Variants in ZFHX3 observed in about 807,000 individuals in gnomAD.
ZFHX3 encodes zinc finger homeobox 3.
ZFHX3 carries 42 observed loss-of-function variants against 279.1 expected under a neutral mutation model. The ratio of observed to expected loss-of-function variants is 0.15; its 90% CI spans 0.12 to 0.19. The LOEUF (loss-of-function observed/expected upper bound fraction) is 0.19, where lower values mean the gene tolerates loss of function less well. ZFHX3 is among the 10% of genes least tolerant of loss of function. ZFHX3 has a pLI of 1.00. For missense variants in ZFHX3, 4,981 were observed against 4,754.0 expected (o/e 1.05, Z -1.40); for synonymous variants, 2,293 against 1,957.8 (o/e 1.17, Z -4.52).
intron 2 of ZFHX3, among the ~76,000 whole-genome samples, chr16:73,549,348 T>A (rs2020169834): frequency 6.6e-6 from 1 of 152,116 alleles, no homozygotes; most frequent in African/African-American, 2.4e-5. Flanking sequence ...ATTTTTCATA[T>A]ATATTTTTAT....
rs1247399981 is a variant in ZFHX3, at chr16:72,784,980, T to G, written c.*2184A>C. The G allele has an allele frequency of 6.6e-6, 1 of 152,592 alleles. No homozygotes were observed. The highest frequency in any genetic ancestry group is 1.9e-4 in the East Asian group (1 of 5,198). The allele number at this position is 152,592 out of a possible 1,614,324, so 9.5% of individuals were successfully genotyped here. On this transcript the variant is annotated 3_prime_UTR_variant, in exon 10 of 10. Coordinates refer to ENST00000268489, the MANE Select transcript of ZFHX3 (RefSeq NM_006885.4). ...ATGCTCCAGTCTTTTGCAAAGTCGA[T>G]GAGTGGCTTCAGCACTGGGGAAAGA...
chr16:72,787,635 A>G lies in ZFHX3; in HGVS notation c.10641T>C (p.His3547=). 6.2e-7 allele frequency: 1 copy of G among 1,611,506 alleles called. No individual in the cohort carries two copies. Among genetic ancestry groups the G allele is most frequent in the Non-Finnish European group, 8.5e-7 (1 of 1,178,758 alleles). ...TGTGTTTGTGCAAGGCCGACTCGAG[A>G]TGTTGACTCAGAGCTTCCTCCCCAC... The part of the protein sequence containing the change: ...ALCGEEALSQ[H]LESALHKHRT... The change falls in exon 10 of 10, where the codon CAT becomes CAC. Residue 3547 remains histidine, a synonymous_variant. Transcript: ENST00000268489.
chr16:72,993,559 C>G (rs868708880), intron 1 of ZFHX3, among the ~76,000 whole-genome samples: 1 of 152,162 alleles, frequency 6.6e-6, no homozygotes, highest in African/African-American at 2.4e-5. Context: ...AGAATCATCC[C>G]TCCTCACTCT....
chr16:73,691,977 A>G (rs2053153829), intron 1 of ZFHX3, among the ~76,000 whole-genome samples: 1 of 152,222 alleles, frequency 6.6e-6, no homozygotes, highest in Non-Finnish European at 1.5e-5. Context: ...AAAAGAGATT[A>G]TCATCAAATA....
chr16:73,424,924 C>T (rs1034688406), intron 3 of ZFHX3, among the ~76,000 whole-genome samples: 1 of 152,076 alleles, frequency 6.6e-6, no homozygotes, highest in Non-Finnish European at 1.5e-5. Flanking sequence ...GTTCACTGGG[C>T]TGGACTTTCT....
intron 4 of ZFHX3, among the ~76,000 whole-genome samples, chr16:73,316,049 G>A (rs1217003694): frequency 6.6e-6 from 1 of 152,194 alleles, no homozygotes; most frequent in Non-Finnish European, 1.5e-5. Flanking sequence ...ACCATGGGGA[G>A]AGGCTCTCAG....
At chr16:73,573,028 T>C (rs939132145) in intron 2 of ZFHX3, among the ~76,000 whole-genome samples, 2 of 152,214 alleles carry the variant, frequency 1.3e-5, no homozygotes, top group Non-Finnish European at 2.9e-5. Context: ...TGCCATGGTT[T>C]ATCCCTCCGT....
chr16:72,814,608 TC>T (rs1230737610), intron 5 of ZFHX3, among the ~76,000 whole-genome samples: 2 of 87,460 alleles, frequency 2.3e-5, no homozygotes, highest in Non-Finnish European at 4.9e-5. Context: ...GAGGGGAACT[TC>T]TTTTTTTTTT....
At chr16:73,257,033 G>T (rs1479692452) in intron 5 of ZFHX3, 2 of 152,132 alleles carry the variant, frequency 1.3e-5, no homozygotes, top group Non-Finnish European at 2.9e-5. Context: ...AATTCAGAAA[G>T]AAACGGCACC....
Position 72,959,610 on chromosome 16 carries a change from C to G in ZFHX3, c.536G>C (p.Gly179Ala), listed in dbSNP as rs775906115. ...AGCACACGAAGGGTCCCCTTGCTTG[C>G]CCCCCGCGCCAGGGAGAGAGTTCAG... The part of the protein sequence containing the change: ...LFLNSLPGAG[G>A]KQGDPSCAAP... The change falls in exon 2 of 10, where the codon GGC (glycine) becomes GCC (alanine). Residue 179 changes from glycine to alanine, a missense_variant. By Grantham distance (60) the Gly-to-Ala change is moderately conservative. This residue lies in a region of ZFHX3 where 1,068 missense variants were observed against 935.2 expected (regional missense o/e 1.14). Coordinates refer to ENST00000268489, the MANE Select transcript of ZFHX3 (RefSeq NM_006885.4). 1.9e-6 allele frequency: 3 copies of G among 1,614,070 alleles called. No individual in the cohort carries two copies. Among genetic ancestry groups the G allele is most frequent in the Non-Finnish European group, 8.5e-7 (1 of 1,180,032 alleles).
intron 1 of ZFHX3, among the ~76,000 whole-genome samples, chr16:73,740,053 G>A (rs759377554): frequency 7.2e-5 from 11 of 152,072 alleles, no homozygotes; most frequent in East Asian, 1.9e-4. Context: ...AGTTACTGCC[G>A]GCACCATCAG....
At position 73,579,841 on chromosome 16, in the gene ZFHX3, T is replaced by C. The variant is rs553444208; in HGVS notation, c.-1547+100339A>G. On this transcript the variant is annotated intron_variant, in intron 2 of 17. Coordinates refer to the ZFHX3 transcript ENST00000641206. ...TCAAATACTTTTGGGTTCACAAATA[T>C]ATATTATACAGATTATATATATATA... 2.2e-4 allele frequency among the ~76,000 whole-genome samples: 26 copies of C among 120,792 alleles called. No individual in the cohort carries two copies. The East Asian group carries it at 5.8e-3, about 27-fold the overall frequency. The allele number at this position is 120,792 out of a possible 152,430, so 79.2% of individuals were successfully genotyped here.
At chr16:73,739,646 TTCTG>T (rs1433891738) in intron 1 of ZFHX3, among the ~76,000 whole-genome samples, 1 of 152,136 alleles carries the variant, frequency 6.6e-6, no homozygotes, top group Non-Finnish European at 1.5e-5. Context: ...GAGTGGACTC[TTCTG>T]TCTATTGACT....
chr16:72,818,549 T>G (rs1258244068), intron 5 of ZFHX3, among the ~76,000 whole-genome samples: 1 of 152,358 alleles, frequency 6.6e-6, no homozygotes, highest in South Asian at 2.1e-4. Flanking sequence ...GGTCTCATTC[T>G]GCCTCCAACC....
chr16:73,147,745 C>T (rs1966873245), intron 5 of ZFHX3, among the ~76,000 whole-genome samples: 1 of 147,758 alleles, frequency 6.8e-6, no homozygotes, highest in Non-Finnish European at 1.5e-5. Flanking sequence ...TGGTGTGTGC[C>T]TGTAGTCCCA....
intron 5 of ZFHX3, among the ~76,000 whole-genome samples, chr16:73,245,490 A>G (rs2013253711): frequency 6.6e-6 from 1 of 152,230 alleles, no homozygotes; most frequent in Non-Finnish European, 1.5e-5. Flanking sequence ...CAATCCAGGC[A>G]TGTTGGATGA....
At chr16:73,337,899 G>GGGT (rs2015948162) in intron 3 of ZFHX3, among the ~76,000 whole-genome samples, 1 of 140,484 alleles carries the variant, frequency 7.1e-6, no homozygotes, top group Non-Finnish European at 1.6e-5. Context: ...TGGCGGGGGG[G>GGGT]GGGGTCCTCA....
chr16:73,226,611 C>T (rs765043918), intron 5 of ZFHX3, among the ~76,000 whole-genome samples: 11 of 152,238 alleles, frequency 7.2e-5, no homozygotes, highest in Non-Finnish European at 1.5e-4. Context: ...GCCACCTTTG[C>T]TGATTGCACA....
At chr16:73,655,335 A>C (rs2052712174) in intron 2 of ZFHX3, among the ~76,000 whole-genome samples, 1 of 152,206 alleles carries the variant, frequency 6.6e-6, no homozygotes, top group Admixed American at 6.5e-5. Flanking sequence ...AAGGATTAGA[A>C]AGAAGGAAAC....
Sources: gnomAD v4.1 joint callset for allele counts (sites outside exome capture counted in the v4.1 genomes callset) on GRCh38, gnomAD v4.1.1 for gene constraint, gnomAD v4.1.1 regional missense constraint, MANE v1.5 for transcripts, NCBI Gene and HGNC (gene_info 2026-07-23, HGNC 2026-07-21) for gene names.